MAL2: variants seen among roughly 807,000 people sequenced by gnomAD.
The protein encoded by MAL2 is protein MAL2.
MAL2 carries 17 observed loss-of-function variants against 18.1 expected under a neutral mutation model. The ratio of observed to expected loss-of-function variants is 0.94; its 90% CI spans 0.64 to 1.41. The LOEUF (loss-of-function observed/expected upper bound fraction) is 1.41. MAL2 is among the 40% of genes most tolerant of loss of function. The pLI, the probability that MAL2 is intolerant of heterozygous loss-of-function variation, is 0.00. For missense variants in MAL2, 222 were observed against 231.9 expected (o/e 0.96, Z 0.28); for synonymous variants, 102 against 102.3 (o/e 1.00, Z 0.02).
chr8:119,222,917 G>C (rs963288145), intron 2 of MAL2, among the ~76,000 whole-genome samples: 2 of 151,726 alleles, frequency 1.3e-5, no homozygotes, highest in Admixed American at 6.6e-5. Flanking sequence ...TTAGTATATA[G>C]AGCTTGTCTT....
chr8:119,238,911 C>A (rs373995800), intron 2 of MAL2, among the ~76,000 whole-genome samples: 2 of 151,748 alleles, frequency 1.3e-5, no homozygotes, highest in Non-Finnish European at 2.9e-5. Flanking sequence ...GCAACACAAG[C>A]CAAAATTGAC....
rs544764894 is a variant in MAL2, at chr8:119,234,207, G to A, written c.304-5958G>A. Among the ~76,000 whole-genome samples, 15 of 152,280 alleles carry A rather than the reference G, an allele frequency of 9.9e-5. No homozygotes were observed. In the South Asian group the frequency reaches 1.5e-3, roughly 15 times the overall value. ...CAAAGAAAGGGGTGACGGACGCACC[G>A]GGAAAATCGGGTCACTCCCACCCGA... On this transcript the variant is annotated intron_variant, in intron 2 of 3. Transcript: ENST00000614891.
At chr8:119,234,253 G>T (rs916913609) in intron 2 of MAL2, among the ~76,000 whole-genome samples, 4 of 152,088 alleles carry the variant, frequency 2.6e-5, no homozygotes, top group African/African-American at 9.7e-5. Context: ...TTTCAGACCG[G>T]CTTAAAAAAC....
At chr8:119,224,544 ATTTT>A (rs567084678) in intron 2 of MAL2, among the ~76,000 whole-genome samples, 3 of 151,876 alleles carry the variant, frequency 2.0e-5, no homozygotes, top group Non-Finnish European at 4.4e-5. Flanking sequence ...TTTTTTTAAG[ATTTT>A]TTTTATTTCA....
chr8:119,220,232 T>C (rs11994152), intron 1 of MAL2, among the ~76,000 whole-genome samples: 12,704 of 152,288 alleles, frequency 0.083, 1,571 homozygotes, highest in African/African-American at 0.27. Context: ...TCCTTATCTG[T>C]CCTTTTTCTG....
chr8:119,226,526 C>G (rs1817599375), intron 2 of MAL2, among the ~76,000 whole-genome samples: 1 of 151,042 alleles, frequency 6.6e-6, no homozygotes, highest in Non-Finnish European at 1.5e-5. Flanking sequence ...GGAAGCTATG[C>G]CTGAGGCTGA....
intron 2 of MAL2, 103 bp from the exon 3 acceptor site, chr8:119,240,062 A>G: frequency 8.3e-7 from 1 of 1,203,732 alleles, no homozygotes; most frequent in East Asian, 2.5e-5. Flanking sequence ...AAGATTGTTT[A>G]ATTAAATGTT....
At chr8:119,233,013 T>C (rs972235976) in intron 2 of MAL2, among the ~76,000 whole-genome samples, 4 of 149,882 alleles carry the variant, frequency 2.7e-5, no homozygotes, top group Admixed American at 6.7e-5. Flanking sequence ...TCCAACTATG[T>C]GGTCAATTTT....
chr8:119,242,189 ATAG>A (rs1818061558), intron 3 of MAL2, among the ~76,000 whole-genome samples: 1 of 151,656 alleles, frequency 6.6e-6, no homozygotes, highest in Admixed American at 6.6e-5. Flanking sequence ...TTTCACAAGA[ATAG>A]TAGCTGCTGA....
chr8:119,213,052 A>G (rs910293047), intron 1 of MAL2, among the ~76,000 whole-genome samples: 1 of 152,164 alleles, frequency 6.6e-6, no homozygotes, highest in African/African-American at 2.4e-5. Flanking sequence ...TAGATAAGGG[A>G]TGAAAAGAAC....
At chr8:119,216,679 T>C (rs1468154709) in intron 1 of MAL2, among the ~76,000 whole-genome samples, 1 of 152,194 alleles carries the variant, frequency 6.6e-6, no homozygotes, top group Non-Finnish European at 1.5e-5. Flanking sequence ...AATTATCCAA[T>C]ATATAGATAA....
In MAL2 at chr8:119,208,461, G is replaced by C. The variant is rs765241620; in HGVS notation, c.-12G>C. ...CGGCGGCGCGCGGAGACGCAGCAGC[G>C]GCAGCGGCAGCATGTCGGCCGGCGG... is the stretch of plus-strand genomic sequence containing the variant. On this transcript the variant is annotated 5_prime_UTR_variant, in exon 1 of 4. Coordinates refer to ENST00000614891, the MANE Select transcript of MAL2 (RefSeq NM_052886.3). The surrounding 1 kb of genome is among the most constrained non-coding windows in gnomAD (Gnocchi z 4.3). 1.6e-6 allele frequency: 2 copies of C among 1,236,042 alleles called. No homozygotes were observed. The highest frequency in any genetic ancestry group is 2.0e-6 in the Non-Finnish European group (2 of 988,058). 76.6% of individuals were successfully genotyped at this position (1,236,042 alleles called of 1,614,324 possible). A position where few individuals can be genotyped will look rare whatever the true frequency, so the allele number is the denominator to read the frequency against.
intron 3 of MAL2, among the ~76,000 whole-genome samples, chr8:119,242,604 A>C (rs1237133620): frequency 6.6e-6 from 1 of 152,166 alleles, no homozygotes; most frequent in Non-Finnish European, 1.5e-5. Flanking sequence ...TCAGAGAAAA[A>C]ATCAGCAGAA....
intron 1 of MAL2, chr8:119,221,243 C>A: frequency 1.1e-5 from 2 of 184,410 alleles, no homozygotes; most frequent in East Asian, 1.3e-4. Context: ...GAAAAAATAC[C>A]TTCATTGAAA....
At chr8:119,241,399 G>T (rs1034693768) in intron 3 of MAL2, among the ~76,000 whole-genome samples, 1 of 152,134 alleles carries the variant, frequency 6.6e-6, no homozygotes, top group African/African-American at 2.4e-5. Flanking sequence ...AATTGGCCAG[G>T]CCTGGTGGCT....
chr8:119,243,510 C>G lies in MAL2; in HGVS notation c.*22C>G. 6.4e-7 allele frequency: 1 copy of G among 1,563,472 alleles called. No individual in the cohort carries two copies. ...GTAACACTCCTTAGAAACTGGCAGT[C>G]GTATGTTAGTTTCACTTGTCTACTT... On this transcript the variant is annotated 3_prime_UTR_variant, in exon 4 of 4. Transcript: ENST00000614891.
At chr8:119,243,382 A>G in intron 3 of MAL2, 35 bp from the exon 4 acceptor site, 1 of 1,526,002 alleles carries the variant, frequency 6.6e-7, no homozygotes, top group Non-Finnish European at 8.9e-7. Flanking sequence ...TCGGTGTTGT[A>G]AATCTGATGT....
At chr8:119,235,585 C>T (rs1439874504) in intron 2 of MAL2, among the ~76,000 whole-genome samples, 3 of 152,044 alleles carry the variant, frequency 2.0e-5, no homozygotes, top group Admixed American at 1.3e-4. Context: ...GCCCATCAGA[C>T]TAACAGCGGG....
intron 1 of MAL2, among the ~76,000 whole-genome samples, chr8:119,214,539 T>C (rs1427995963): frequency 6.6e-6 from 1 of 152,118 alleles, no homozygotes; most frequent in Non-Finnish European, 1.5e-5. Context: ...AAACTAAAAG[T>C]GATAACTAGT....
Sources: gnomAD v4.1 joint callset for allele counts (sites outside exome capture counted in the v4.1 genomes callset) on GRCh38, gnomAD v4.1.1 for gene constraint, Gnocchi (gnomAD v3.1) non-coding constraint, MANE v1.5 for transcripts, NCBI Gene and HGNC (gene_info 2026-07-23, HGNC 2026-07-21) for gene names.